Variants in POFUT3 observed in about 807,000 individuals in gnomAD.
POFUT3 encodes protein O-fucosyltransferase 3.
At chr8:33,363,562 A>T in the POFUT3 span, among the ~76,000 whole-genome samples, 1 of 152,160 alleles carries the variant, frequency 6.6e-6, no homozygotes, top group Non-Finnish European at 1.5e-5. Flanking sequence ...AATCAAATAG[A>T]CGCAATAAAA....
At chr8:33,317,249 AC>A in the POFUT3 span, among the ~76,000 whole-genome samples, 93 of 152,194 alleles carry the variant, frequency 6.1e-4, no homozygotes, top group African/African-American at 2.1e-3. Context: ...AGAAGCCTGG[AC>A]CCCCACCAAA....
At chr8:33,379,992 T>A in the POFUT3 span, among the ~76,000 whole-genome samples, 98 of 45,012 alleles carry the variant, frequency 2.2e-3, 2 homozygotes, top group African/African-American at 0.012. Context: ...ATATATATAG[T>A]ATATATATAT....
the POFUT3 span, among the ~76,000 whole-genome samples, chr8:33,353,203 T>C: frequency 1.3e-5 from 2 of 152,226 alleles, no homozygotes; most frequent in African/African-American, 2.4e-5. Flanking sequence ...TGTTTCCCTG[T>C]AATTTGCTTG....
chr8:33,381,236 G>A, the POFUT3 span, among the ~76,000 whole-genome samples: 1 of 152,188 alleles, frequency 6.6e-6, no homozygotes, highest in Non-Finnish European at 1.5e-5. Context: ...TTAACCTTAA[G>A]ACAGATTGTC....
the POFUT3 span, among the ~76,000 whole-genome samples, chr8:33,380,041 A>ATATATATACACTATATATATACAC: frequency 1.8e-5 from 1 of 56,154 alleles, no homozygotes; most frequent in Non-Finnish European, 2.7e-5. Flanking sequence ...TATATATACG[A>ATATATATACACTATATATATACAC]TATATATACA....
the POFUT3 span, among the ~76,000 whole-genome samples, chr8:33,357,620 C>T: frequency 6.6e-6 from 1 of 150,716 alleles, no homozygotes; most frequent in Non-Finnish European, 1.5e-5. Flanking sequence ...TTTGTTTTCC[C>T]CTATTCCTTT....
chr8:33,358,067 C>G, the POFUT3 span, among the ~76,000 whole-genome samples: 1 of 152,060 alleles, frequency 6.6e-6, no homozygotes, highest in Non-Finnish European at 1.5e-5. Flanking sequence ...GGCAACATGG[C>G]AAAACCTCAT....
the POFUT3 span, among the ~76,000 whole-genome samples, chr8:33,415,098 C>T: frequency 6.6e-6 from 1 of 151,864 alleles, no homozygotes; most frequent in Non-Finnish European, 1.5e-5. Flanking sequence ...CCCGTCTCTA[C>T]AAAAAATACA....
chr8:33,368,397 C>T, the POFUT3 span, among the ~76,000 whole-genome samples: 2 of 152,286 alleles, frequency 1.3e-5, no homozygotes, highest in African/African-American at 4.8e-5. Context: ...TTGGTTTAAT[C>T]CCAGGATATA....
chr8:33,446,167 C>A, the POFUT3 span, among the ~76,000 whole-genome samples: 1 of 151,992 alleles, frequency 6.6e-6, no homozygotes, highest in East Asian at 1.9e-4. Context: ...CAAAAAGATA[C>A]AACTGGTGGC....
At chr8:33,333,450 A>G in the POFUT3 span, among the ~76,000 whole-genome samples, 1 of 152,172 alleles carries the variant, frequency 6.6e-6, no homozygotes, top group Non-Finnish European at 1.5e-5. Context: ...GAAAAGAATA[A>G]TCCCAAACAC....
chr8:33,330,738 G>C, the POFUT3 span, among the ~76,000 whole-genome samples: 1 of 151,928 alleles, frequency 6.6e-6, no homozygotes. Context: ...GTTGCCTTTG[G>C]CTCCCTTCAC....
the POFUT3 span, among the ~76,000 whole-genome samples, chr8:33,453,884 G>T: frequency 2.6e-5 from 4 of 152,158 alleles, no homozygotes; most frequent in African/African-American, 9.6e-5. Context: ...GAACTCGGGA[G>T]GCAGAGGTTG....
chr8:33,451,622 A>G, the POFUT3 span: 1 of 151,930 alleles, frequency 6.6e-6, no homozygotes, highest in Admixed American at 6.6e-5. Context: ...ATGTGTATAT[A>G]TGTGTGTATA....
the POFUT3 span, among the ~76,000 whole-genome samples, chr8:33,446,203 T>C: frequency 2.0e-5 from 3 of 152,058 alleles, no homozygotes; most frequent in Admixed American, 2.0e-4. Context: ...ATGCCTGTAA[T>C]CCCAGCACTT....
At chr8:33,315,033 C>T in the POFUT3 span, among the ~76,000 whole-genome samples, 4 of 152,062 alleles carry the variant, frequency 2.6e-5, no homozygotes, top group East Asian at 1.9e-4. Flanking sequence ...TTCATGAGAA[C>T]GTTTGCTTAT....
the POFUT3 span, among the ~76,000 whole-genome samples, chr8:33,427,166 G>GAAGC: frequency 1.3e-5 from 2 of 152,142 alleles, no homozygotes; most frequent in East Asian, 3.9e-4. Context: ...GAAGCAAAGG[G>GAAGC]GCTTGGTGAG....
At chr8:33,405,488 C>CAA in the POFUT3 span, among the ~76,000 whole-genome samples, 208 of 136,872 alleles carry the variant, frequency 1.5e-3, 1 homozygote, top group African/African-American at 5.4e-3. Flanking sequence ...TTATTCTTTA[C>CAA]AAAAAAAAAA....
chr8:33,366,874 C>A, the POFUT3 span, among the ~76,000 whole-genome samples: 1 of 152,146 alleles, frequency 6.6e-6, no homozygotes, highest in Non-Finnish European at 1.5e-5. Context: ...ATCACACAAG[C>A]ACTGTGAGAC....
Sources: gnomAD v4.1 joint callset for allele counts (sites outside exome capture counted in the v4.1 genomes callset) on GRCh38, gnomAD v4.1.1 for gene constraint, MANE v1.5 for transcripts, NCBI Gene and HGNC (gene_info 2026-07-23, HGNC 2026-07-21) for gene names.